Variants in RAB18 observed in about 807,000 individuals in gnomAD.
The protein encoded by RAB18 is ras-related protein Rab-18.
RAB18 carries 10 observed loss-of-function variants against 28.5 expected under a neutral mutation model. The ratio of observed to expected loss-of-function variants is 0.35; its 90% CI spans 0.22 to 0.60. The LOEUF (loss-of-function observed/expected upper bound fraction) is 0.60. Ranked by LOEUF, RAB18 falls within the 20% of genes least tolerant of loss-of-function variation. The pLI, the probability that RAB18 is intolerant of heterozygous loss-of-function variation, is 0.78. For synonymous variants in RAB18, 93 were observed against 86.9 expected (o/e 1.07, Z -0.39); for missense variants, 188 against 244.2 (o/e 0.77, Z 1.53).
chr10:27,520,972 CA>C (rs1834540275), intron 2 of RAB18, among the ~76,000 whole-genome samples: 1 of 132,362 alleles, frequency 7.6e-6, no homozygotes, highest in Non-Finnish European at 1.6e-5. Flanking sequence ...ACATTTCTTT[CA>C]CGGCATTCCC....
Position 27,504,393 on chromosome 10 carries a change from C to A in RAB18, c.24C>A (p.Thr8=). Residue 8 remains threonine (T), a synonymous_variant, in exon 1 of 7, where the codon ACC becomes ACA. Transcript: ENST00000356940. MDEDVLT[T]LKILIIGESG... The stretch of plus-strand genomic sequence containing the variant: ...GGATGGACGAGGACGTGCTAACCAC[C>A]CTGAAGATCCTCATCATCGGCGAGA... 1 of 1,575,938 alleles carries A rather than the reference C, an allele frequency of 6.3e-7. No individual in the cohort carries two copies. The highest frequency in any genetic ancestry group is 2.3e-5 in the East Asian group (1 of 43,576).
At chr10:27,512,702 G>A (rs1024398290) in intron 2 of RAB18, among the ~76,000 whole-genome samples, 6 of 152,134 alleles carry the variant, frequency 3.9e-5, no homozygotes, top group African/African-American at 1.4e-4. Flanking sequence ...CTAGCCAGGA[G>A]GAGAGCAGTA....
rs768390542 is a variant in RAB18 at position 27,538,201 on chromosome 10, C to A, written c.*150C>A. Reference sequence around the variant, plus strand: ...AATATTTGCAAGAAATCCCACTCATCGACCCCGGGTAAAATGTTATGGTAA... The same window carrying A: ...AATATTTGCAAGAAATCCCACTCATAGACCCCGGGTAAAATGTTATGGTAA... On this transcript the variant is annotated 3_prime_UTR_variant, in exon 7 of 7. Coordinates refer to ENST00000356940, the MANE Select transcript of RAB18 (RefSeq NM_021252.5). 1.1e-5 allele frequency: 12 copies of A among 1,047,406 alleles called. No individual in the cohort carries two copies. The highest frequency in any genetic ancestry group is 2.8e-4 in the Middle Eastern group (1 of 3,588). The allele number at this position is 1,047,406 out of a possible 1,614,324, so 64.9% of individuals were successfully genotyped here.
At chr10:27,527,079 T>G in intron 3 of RAB18, 190 bp downstream of exon 3, 3 of 726,290 alleles carry the variant, frequency 4.1e-6, no homozygotes, top group Non-Finnish European at 7.5e-6. Flanking sequence ...TATGTTTTGT[T>G]TAAATTTTCA....
In RAB18 at chr10:27,540,264, A is replaced by G. The variant is rs1834994957; in HGVS notation, c.*2213A>G. 2.2e-6 allele frequency: 1 copy of G among 453,944 alleles called. No homozygotes were observed. The highest frequency in any genetic ancestry group is 2.3e-5 in the Admixed American group (1 of 42,554). The allele number at this position is 453,944 out of a possible 1,614,324, so 28.1% of individuals were successfully genotyped here. A position where few individuals can be genotyped will look rare whatever the true frequency, so the allele number is the denominator to read the frequency against. ...GCAACCTTAAGAGATTAGTACTCCT[A>G]TTATGCCCATTTTAAAGGTGAGGAC... On this transcript the variant is annotated 3_prime_UTR_variant, in exon 7 of 7. Transcript: ENST00000356940.
chr10:27,520,609 T>C (rs2132386980), intron 2 of RAB18, among the ~76,000 whole-genome samples: 1 of 152,176 alleles, frequency 6.6e-6, no homozygotes, highest in East Asian at 1.9e-4. Flanking sequence ...CTTTATAATA[T>C]ATTCATTTAC....
rs1447302471 is a variant in RAB18 at position 27,521,963 on chromosome 10, C to A, written c.125-4865C>A. ...CGCATGGAAGCTCCGTGTTTGGGAC[C>A]CTCCCAGACCTCATCCTTATGTGTT... On this transcript the variant is annotated intron_variant, in intron 2 of 6. Coordinates refer to ENST00000356940, the MANE Select transcript of RAB18 (RefSeq NM_021252.5). Among the ~76,000 whole-genome samples, 5 of 151,800 alleles carry A rather than the reference C, an allele frequency of 3.3e-5. No individual in the cohort carries two copies. The East Asian group carries it at 9.6e-4, about 29-fold the overall frequency.
chr10:27,522,512 T>C (rs1036452928), intron 2 of RAB18, among the ~76,000 whole-genome samples: 2 of 152,158 alleles, frequency 1.3e-5, no homozygotes, highest in African/African-American at 4.8e-5. Context: ...TGCCAATCTT[T>C]TGATAGGAGA....
chr10:27,518,513 TTGAG>T (rs1218341372), intron 2 of RAB18, among the ~76,000 whole-genome samples: 8 of 152,172 alleles, frequency 5.3e-5, no homozygotes, highest in African/African-American at 1.7e-4. Context: ...ACTAATGAGG[TTGAG>T]TATCTTTTTA....
At chr10:27,505,572 A>T (rs937246984) in intron 1 of RAB18, among the ~76,000 whole-genome samples, 1 of 152,094 alleles carries the variant, frequency 6.6e-6, no homozygotes, top group African/African-American at 2.4e-5. Flanking sequence ...TTATTTATTT[A>T]TTTTTTGAGA....
chr10:27,524,833 G>C (rs1431374500), intron 2 of RAB18, among the ~76,000 whole-genome samples: 1 of 152,198 alleles, frequency 6.6e-6, no homozygotes, highest in African/African-American at 2.4e-5. Context: ...GATCTGAAGA[G>C]CTCAATTGCT....
At chr10:27,517,775 T>C (rs1254343378) in intron 2 of RAB18, among the ~76,000 whole-genome samples, 2 of 152,192 alleles carry the variant, frequency 1.3e-5, no homozygotes, top group African/African-American at 4.8e-5. Context: ...GGTCATATAA[T>C]TGCCACCACC....
intron 2 of RAB18, among the ~76,000 whole-genome samples, chr10:27,517,430 G>A (rs1474861075): frequency 6.6e-6 from 1 of 152,098 alleles, no homozygotes; most frequent in Non-Finnish European, 1.5e-5. Flanking sequence ...TTTGTAGATA[G>A]ATAGACCCAA....
At chr10:27,522,071 G>GA (rs201413146) in intron 2 of RAB18, among the ~76,000 whole-genome samples, 80 of 151,608 alleles carry the variant, frequency 5.3e-4, no homozygotes, top group Admixed American at 5.2e-3. Context: ...AATTTGTGGG[G>GA]AAAAAAAAGA....
At chr10:27,504,616 C>T (rs1212575700) in intron 1 of RAB18, 179 bp downstream of exon 1, 6 of 780,132 alleles carry the variant, frequency 7.7e-6, no homozygotes, top group Admixed American at 4.0e-5. Flanking sequence ...CCTCTCCCCA[C>T]CCGCGCCTGC....
chr10:27,505,485 T>G (rs938746106), intron 1 of RAB18, among the ~76,000 whole-genome samples: 16 of 152,246 alleles, frequency 1.1e-4, no homozygotes, highest in Non-Finnish European at 4.4e-5. Flanking sequence ...TAAAAGTCAC[T>G]TCATAAAGTC....
At chr10:27,510,202 C>T (rs1330346169) in intron 2 of RAB18, 1 of 477,916 alleles carries the variant, frequency 2.1e-6, no homozygotes, top group Non-Finnish European at 3.8e-6. Context: ...CTCTCCTATA[C>T]TATGGATTGT....
In RAB18 at chr10:27,539,288, A is replaced by G. The variant is rs998433576; in HGVS notation, c.*1237A>G. ...TATTTGTCCTTTAAGGTTGGTTACT[A>G]TAATACCCCTCAGTAAGATTCCAGT... On this transcript the variant is annotated 3_prime_UTR_variant, in exon 7 of 7. Coordinates refer to ENST00000356940, the MANE Select transcript of RAB18 (RefSeq NM_021252.5). 1.6e-5 allele frequency: 5 copies of G among 304,320 alleles called. No individual in the cohort carries two copies. The highest frequency in any genetic ancestry group is 8.9e-5 in the East Asian group (1 of 11,248). 18.9% of individuals were successfully genotyped at this position (304,320 alleles called of 1,614,324 possible).
chr10:27,514,694 A>G (rs1465727370), intron 2 of RAB18, among the ~76,000 whole-genome samples: 1 of 152,236 alleles, frequency 6.6e-6, no homozygotes, highest in Non-Finnish European at 1.5e-5. Flanking sequence ...CAAATATTTA[A>G]AAATGTAGTA....
Sources: gnomAD v4.1 joint callset for allele counts (sites outside exome capture counted in the v4.1 genomes callset) on GRCh38, gnomAD v4.1.1 for gene constraint, MANE v1.5 for transcripts, NCBI Gene and HGNC (gene_info 2026-07-23, HGNC 2026-07-21) for gene names.